The following OTOF variants were observed in gnomAD, a reference collection of about 807,000 sequenced individuals.
The protein encoded by OTOF is otoferlin.
Under a neutral mutation model 236.8 loss-of-function variants are expected in OTOF, and 218 were observed. That is an observed-to-expected ratio of 0.92 (90% CI 0.82 to 1.03). The LOEUF (loss-of-function observed/expected upper bound fraction) is 1.03, where lower values mean the gene tolerates loss of function less well. OTOF is among the 50% of genes least tolerant of loss of function. The pLI is 0.00. For missense variants in OTOF, 2,590 were observed against 2,694.4 expected (o/e 0.96, Z 0.86); for synonymous variants, 1,041 against 1,072.5 (o/e 0.97, Z 0.57).
intron 12 of OTOF, among the ~76,000 whole-genome samples, 195 bp from the exon 13 acceptor site, chr2:26,483,843 C>G (rs1363283645): frequency 6.6e-6 from 1 of 152,224 alleles, no homozygotes; most frequent in African/African-American, 2.4e-5. Context: ...CACTGAGCTG[C>G]CGTTTCCTCA....
At chr2:26,523,163 G>C (rs1218565045) in intron 3 of OTOF, among the ~76,000 whole-genome samples, 1 of 152,272 alleles carries the variant, frequency 6.6e-6, no homozygotes, top group Non-Finnish European at 1.5e-5. Context: ...TTAGCAGGCA[G>C]GAGGCTGGAG....
intron 4 of OTOF, among the ~76,000 whole-genome samples, 153 bp from the exon 5 acceptor site, chr2:26,516,752 C>T (rs1666538931): frequency 6.6e-6 from 1 of 152,164 alleles, no homozygotes; most frequent in African/African-American, 2.4e-5. Flanking sequence ...CCCCATTTTG[C>T]TGATGAGAAA....
chr2:26,466,344 T>C, intron 36 of OTOF: 1 of 540,062 alleles, frequency 1.9e-6, no homozygotes, highest in Non-Finnish European at 3.3e-6. Context: ...TTCTTCTTTT[T>C]TTTTTCCTTT....
chr2:26,537,428 A>T (rs1667097656), intron 2 of OTOF, among the ~76,000 whole-genome samples: 1 of 152,204 alleles, frequency 6.6e-6, no homozygotes. Flanking sequence ...TCCACAGGGA[A>T]TAACAGGCCC....
chr2:26,471,793 GCA>G (rs1664987619), intron 30 of OTOF, among the ~76,000 whole-genome samples: 1 of 152,030 alleles, frequency 6.6e-6, no homozygotes, highest in African/African-American at 2.4e-5. Context: ...AAGCATGCAT[GCA>G]CACATATATG....
chr2:26,516,678 G>A, intron 4 of OTOF, 79 bp from the exon 5 acceptor site: 1 of 1,469,856 alleles, frequency 6.8e-7, no homozygotes, highest in Non-Finnish European at 9.4e-7. Flanking sequence ...GCTTGGTGGT[G>A]TTTACACAGC....
At chr2:26,541,104 G>A (rs570023523) in intron 1 of OTOF, among the ~76,000 whole-genome samples, 15 of 152,300 alleles carry the variant, frequency 9.8e-5, no homozygotes, top group African/African-American at 2.9e-4. Context: ...AATAAGCCTC[G>A]GATATAGCTG....
At chr2:26,494,164 G>A (rs1236890399) in intron 9 of OTOF, among the ~76,000 whole-genome samples, 1 of 152,216 alleles carries the variant, frequency 6.6e-6, no homozygotes, top group African/African-American at 2.4e-5. Flanking sequence ...CTGAGATTGT[G>A]GGCAAGGCCC....
chr2:26,459,892 G>C, intron 46 of OTOF, 116 bp downstream of exon 46: 1 of 987,378 alleles, frequency 1.0e-6, no homozygotes, highest in Admixed American at 2.1e-5. Flanking sequence ...ATGCTTGTGT[G>C]TGTTTGTGTG....
intron 13 of OTOF, among the ~76,000 whole-genome samples, chr2:26,483,237 C>G (rs934698436): frequency 1.3e-5 from 2 of 152,024 alleles, no homozygotes; most frequent in African/African-American, 4.8e-5. Context: ...GTGGACTTGT[C>G]TCCACTCTTC....
intron 46 of OTOF, among the ~76,000 whole-genome samples, chr2:26,458,792 G>C (rs1310583883): frequency 6.6e-6 from 1 of 152,226 alleles, no homozygotes; most frequent in Non-Finnish European, 1.5e-5. Context: ...AAAATGTCAA[G>C]ATACAAGTGA....
intron 3 of OTOF, among the ~76,000 whole-genome samples, chr2:26,524,109 G>C (rs1666744473): frequency 6.6e-6 from 1 of 152,266 alleles, no homozygotes; most frequent in Admixed American, 6.5e-5. Flanking sequence ...GCCTCCCCTT[G>C]TGGGGTTTCC....
intron 1 of OTOF, among the ~76,000 whole-genome samples, chr2:26,543,765 G>A (rs1191758417): frequency 6.6e-6 from 1 of 152,188 alleles, no homozygotes; most frequent in East Asian, 1.9e-4. Context: ...CACCCAGGCT[G>A]GAGTGCAGTG....
intron 33 of OTOF, among the ~76,000 whole-genome samples, chr2:26,467,806 C>T (rs777079981): frequency 3.9e-5 from 6 of 152,186 alleles, no homozygotes; most frequent in East Asian, 1.9e-4. Context: ...TCACTTTCCT[C>T]ACTAGCTTCC....
chr2:26,490,822 G>T (rs893455229), intron 9 of OTOF, among the ~76,000 whole-genome samples: 6 of 152,322 alleles, frequency 3.9e-5, no homozygotes, highest in African/African-American at 1.4e-4. Flanking sequence ...TGGTTGTGAA[G>T]TTGCAATGAG....
At chr2:26,479,694 C>G (rs1352364449) in intron 16 of OTOF, 41 bp from the exon 17 acceptor site, 2 of 1,590,812 alleles carry the variant, frequency 1.3e-6, no homozygotes, top group African/African-American at 2.7e-5. Flanking sequence ...GTGCATTCCC[C>G]ACCAGGCCCC....
chr2:26,492,818 G>A (rs927579972), intron 9 of OTOF, among the ~76,000 whole-genome samples: 9 of 152,188 alleles, frequency 5.9e-5, no homozygotes, highest in African/African-American at 2.2e-4. Flanking sequence ...GACAGAGCAG[G>A]CAAGGCTGCT....
In OTOF at chr2:26,462,049, C is replaced by T. The variant is rs1259746167; in HGVS notation, c.5291+34G>A. ...CCCCCGGGAAGCAAGCCCCACCCAG[C>T]TCAGTCCCTCCCATGCAGGGACTGC... On this transcript the variant is annotated intron_variant, in intron 42 of 46. Transcript: ENST00000272371. This position sits in a 1 kb window ranked among gnomAD's most constrained non-coding sequence, Gnocchi z 4.7. 7 of 1,601,148 alleles carry T rather than the reference C, an allele frequency of 4.4e-6. No individual in the cohort carries two copies. The highest frequency in any genetic ancestry group is 6.0e-6 in the Non-Finnish European group (7 of 1,168,818).
At chr2:26,491,697 G>GA (rs1665844789) in intron 9 of OTOF, among the ~76,000 whole-genome samples, 1 of 152,192 alleles carries the variant, frequency 6.6e-6, no homozygotes. Context: ...GGACACACAG[G>GA]AAAGGAGCCT....
Sources: allele counts gnomAD v4.1 joint callset (sites outside exome capture counted in the v4.1 genomes callset), GRCh38; gene constraint gnomAD v4.1.1; non-coding constraint Gnocchi (gnomAD v3.1); transcripts MANE v1.5; gene names NCBI Gene and HGNC (gene_info 2026-07-23, HGNC 2026-07-21).